The following ADAMTSL1 variants were observed in gnomAD, a reference collection of about 807,000 sequenced individuals.
ADAMTSL1 encodes ADAMTS like 1.
ADAMTSL1 carries 126 observed loss-of-function variants against 201.8 expected under a neutral mutation model. The observed-to-expected ratio is 0.62, with a 90% CI of 0.54 to 0.72. The LOEUF is 0.72. ADAMTSL1 is among the 30% of genes least tolerant of loss of function. The pLI, the probability that ADAMTSL1 is intolerant of heterozygous loss-of-function variation, is 0.00. For missense variants in ADAMTSL1, 2,679 were observed against 2,277.8 expected, an observed-to-expected ratio of 1.18 and a Z score of -3.59; for synonymous variants, 1,121 against 903.4, an observed-to-expected ratio of 1.24 and a Z score of -4.32.
intron 2 of ADAMTSL1, among the ~76,000 whole-genome samples, chr9:18,227,936 A>G (rs917247378): frequency 3.3e-5 from 5 of 152,202 alleles, no homozygotes; most frequent in African/African-American, 1.2e-4. Context: ...CTGAAATAAT[A>G]TTAAGGTTCA....
At chr9:18,827,162 T>TAAA (rs5896812) in intron 22 of ADAMTSL1, among the ~76,000 whole-genome samples, 8,393 of 142,980 alleles carry the variant, frequency 0.059, 292 homozygotes, top group South Asian at 0.095. Flanking sequence ...GAGATAAAGT[T>TAAA]AAAAAAAAAA....
intron 2 of ADAMTSL1, among the ~76,000 whole-genome samples, chr9:18,406,636 AT>A (rs568356562): frequency 1.3e-5 from 2 of 152,020 alleles, no homozygotes; most frequent in African/African-American, 4.8e-5. Flanking sequence ...CAGCCAAGAC[AT>A]TTTTTGTTAT....
Position 18,597,319 on chromosome 9 carries a change from A to G in ADAMTSL1, c.474+23053A>G, listed in dbSNP as rs377692947. 1.2e-4 allele frequency among the ~76,000 whole-genome samples: 19 copies of G among 152,300 alleles called. 1 individual carries two copies. In the East Asian group the frequency reaches 2.7e-3, roughly 22 times the overall value. ...TATTCTAGGCTAGGAGTAATTTGTAATTTGGGATCTGCTGCCATCTACTCC... is the reference window on the plus strand; with the variant it reads ...TATTCTAGGCTAGGAGTAATTTGTAGTTTGGGATCTGCTGCCATCTACTCC... On this transcript the variant is annotated intron_variant, in intron 4 of 28. Coordinates refer to ENST00000380548, the MANE Select transcript of ADAMTSL1 (RefSeq NM_001040272.6).
chr9:18,701,894 C>T (rs1238410116), intron 13 of ADAMTSL1, among the ~76,000 whole-genome samples: 8 of 152,266 alleles, frequency 5.3e-5, no homozygotes, highest in East Asian at 3.9e-4. Context: ...TTAATTTTCA[C>T]ATTGTATTAC....
chr9:18,508,744 T>C (rs1325146954), intron 2 of ADAMTSL1, among the ~76,000 whole-genome samples: 1 of 152,148 alleles, frequency 6.6e-6, no homozygotes, highest in Non-Finnish European at 1.5e-5. Flanking sequence ...AAATATTAAA[T>C]AAGTACTTAT....
chr9:18,795,060 G>A (rs10963766), intron 19 of ADAMTSL1, among the ~76,000 whole-genome samples: 53,430 of 152,052 alleles, frequency 0.35, 10,469 homozygotes, highest in East Asian at 0.54. Context: ...TATCTGTACC[G>A]TTTGTTCTAG....
At chr9:18,508,100 G>A (rs1050563250) in intron 2 of ADAMTSL1, among the ~76,000 whole-genome samples, 11 of 151,916 alleles carry the variant, frequency 7.2e-5, no homozygotes, top group Admixed American at 2.6e-4. Flanking sequence ...CAGGAGAATC[G>A]CTTGAACCCC....
intron 1 of ADAMTSL1, among the ~76,000 whole-genome samples, chr9:18,162,649 T>A (rs1405863275): frequency 6.6e-6 from 1 of 151,956 alleles, no homozygotes; most frequent in African/African-American, 2.4e-5. Context: ...AGACATACGG[T>A]TTAAAATGAC....
intron 1 of ADAMTSL1, among the ~76,000 whole-genome samples, chr9:18,151,873 T>A (rs1476757677): frequency 7.2e-5 from 11 of 152,038 alleles, no homozygotes; most frequent in African/African-American, 2.7e-4. Flanking sequence ...ATGTCCCATA[T>A]CCCCTTGCCA....
At chr9:18,765,017 A>T (rs1412063018) in intron 16 of ADAMTSL1, among the ~76,000 whole-genome samples, 1 of 152,194 alleles carries the variant, frequency 6.6e-6, no homozygotes, top group Admixed American at 6.5e-5. Flanking sequence ...ACTTATGTTC[A>T]TTATCTACTT....
intron 20 of ADAMTSL1, among the ~76,000 whole-genome samples, chr9:18,809,167 T>C (rs868631868): frequency 6.6e-6 from 1 of 152,136 alleles, no homozygotes; most frequent in Middle Eastern, 3.2e-3. Flanking sequence ...CTAGTGCTTA[T>C]GAAAAAAGTA....
chr9:18,112,814 T>A lies in ADAMTSL1; in HGVS notation c.88-51048T>A, dbSNP rs761242827. ...GAGATGCCATCCATTCACTGCCTCATCCCTAGAGTCTAGCACAGGCTCTGG... is the reference window on the plus strand; with the variant it reads ...GAGATGCCATCCATTCACTGCCTCAACCCTAGAGTCTAGCACAGGCTCTGG... On this transcript the variant is annotated intron_variant, in intron 1 of 29. Transcript: ENST00000680146. 9.5e-4 allele frequency among the ~76,000 whole-genome samples: 144 copies of A among 152,276 alleles called. 2 individuals are homozygous for A. The highest frequency in any genetic ancestry group is 4.2e-3 in the Admixed American group (64 of 15,280).
intron 2 of ADAMTSL1, among the ~76,000 whole-genome samples, chr9:18,267,796 CT>C (rs1203213221): frequency 1.7e-5 from 2 of 119,550 alleles, no homozygotes; most frequent in Admixed American, 9.5e-5. Flanking sequence ...ACAAAAAAAC[CT>C]TAATCTGAGA....
At chr9:18,716,588 ATAGGTG>A (rs1832954090) in intron 14 of ADAMTSL1, among the ~76,000 whole-genome samples, 1 of 133,914 alleles carries the variant, frequency 7.5e-6, no homozygotes, top group African/African-American at 2.7e-5. Flanking sequence ...TCAGGAAACA[ATAGGTG>A]CTGGAGAGGA....
intron 15 of ADAMTSL1, among the ~76,000 whole-genome samples, chr9:18,750,951 C>G (rs7039006): frequency 0.47 from 71,296 of 152,052 alleles, 17,202 homozygotes; most frequent in South Asian, 0.56. Flanking sequence ...GGCTGGCTTC[C>G]CCACCACCGT....
intron 2 of ADAMTSL1, among the ~76,000 whole-genome samples, chr9:18,446,176 G>GA (rs1458263431): frequency 2.0e-5 from 3 of 151,938 alleles, no homozygotes; most frequent in African/African-American, 4.8e-5. Flanking sequence ...GCAGGAAAAG[G>GA]AAAAAAGAAA....
chr9:18,841,069 CTA>C (rs1233239272), intron 23 of ADAMTSL1, among the ~76,000 whole-genome samples: 9 of 149,036 alleles, frequency 6.0e-5, no homozygotes, highest in African/African-American at 2.2e-4. Flanking sequence ...ACTTCCAACA[CTA>C]TGTTGAATAG....
chr9:18,564,646 G>T (rs1050818335), intron 3 of ADAMTSL1, among the ~76,000 whole-genome samples: 1 of 152,152 alleles, frequency 6.6e-6, no homozygotes, highest in Non-Finnish European at 1.5e-5. Flanking sequence ...CTGTATAATT[G>T]TGTGCTTATA....
intron 4 of ADAMTSL1, among the ~76,000 whole-genome samples, chr9:18,587,238 T>G (rs1823561628): frequency 6.6e-6 from 1 of 152,080 alleles, no homozygotes; most frequent in South Asian, 2.1e-4. Flanking sequence ...TATAAGGAAC[T>G]TAAACAAGTT....
Sources: allele counts gnomAD v4.1 joint callset (sites outside exome capture counted in the v4.1 genomes callset), GRCh38; gene constraint gnomAD v4.1.1; transcripts MANE v1.5; gene names NCBI Gene and HGNC (gene_info 2026-07-23, HGNC 2026-07-21).